Variants in ADAM9 observed in about 807,000 individuals in gnomAD.
ADAM9 encodes the protein disintegrin and metalloproteinase domain-containing protein 9.
ADAM9 carries 54 observed loss-of-function variants against 108.1 expected under a neutral mutation model. That is an observed-to-expected ratio of 0.50 (90% CI 0.40 to 0.63). The LOEUF (loss-of-function observed/expected upper bound fraction) is 0.63, where lower values mean the gene tolerates loss of function less well. Among genes scored for constraint, ADAM9 ranks in the 20% least tolerant of loss-of-function variants. The pLI is 0.00. For synonymous variants in ADAM9, 316 were observed against 336.0 expected (o/e 0.94, Z 0.65); for missense variants, 830 against 997.7 (o/e 0.83, Z 2.26).
chr8:39,061,268 A>G (rs1838289997), intron 14 of ADAM9, among the ~76,000 whole-genome samples: 1 of 152,192 alleles, frequency 6.6e-6, no homozygotes, highest in African/African-American at 2.4e-5. Flanking sequence ...CAGGTCAGGG[A>G]ACCAGTGTGG....
At chr8:39,018,443 T>G (rs935314887) in intron 6 of ADAM9, among the ~76,000 whole-genome samples, 2 of 152,194 alleles carry the variant, frequency 1.3e-5, no homozygotes. Flanking sequence ...TCTCTCAGCA[T>G]AGTAATGGGC....
intron 1 of ADAM9, among the ~76,000 whole-genome samples, chr8:38,997,783 T>C (rs1835868379): frequency 6.6e-6 from 1 of 152,246 alleles, no homozygotes; most frequent in South Asian, 2.1e-4. Context: ...TACCTTTCTA[T>C]AGCCAAACCA....
Position 39,055,614 on chromosome 8 carries a change from G to C in ADAM9, c.1433G>C (p.Ser478Thr), listed in dbSNP as rs201256112. 4 of 1,613,766 alleles carry C rather than the reference G, an allele frequency of 2.5e-6. No individual in the cohort carries two copies. In the East Asian group the frequency reaches 8.9e-5, roughly 36 times the overall value. The change falls in exon 14 of 22, where the codon AGT becomes ACT. Residue 478 changes from serine (S) to threonine (T), a missense_variant. Ser to Thr is a moderately conservative substitution (Grantham distance 58). This residue lies in a region of ADAM9 where 381 missense variants were observed against 539.8 expected (regional missense o/e 0.71). Transcript: ENST00000487273. The part of the protein sequence containing the change: ...PGGTLCRGKT[S>T]ECDVPEYCNG... ...GGTACTTTATGCCGAGGAAAAACCA[G>C]TGAGTGTGATGTTCCAGAGTACTGC...
chr8:39,067,689 AACAGGG>A lies in ADAM9; in HGVS notation c.1592-3605_1592-3600del, dbSNP rs777594339. Among the ~76,000 whole-genome samples, 357 of 152,322 alleles carry A rather than the reference AACAGGG, an allele frequency of 2.3e-3. 2 individuals are homozygous for A. The highest frequency in any genetic ancestry group is 4.2e-3 in the Non-Finnish European group (288 of 68,024). Reference sequence around the variant, plus strand: ...TAGATGTACAATCATGTCATCTGCAAACAGGGACAATTTGACTTCCTCTTTTCCTAA... The same window carrying A: ...TAGATGTACAATCATGTCATCTGCAAACAATTTGACTTCCTCTTTTCCTAA... On this transcript the variant is annotated intron_variant, in intron 14 of 21. Transcript: ENST00000487273.
At chr8:39,098,487 A>C (rs959473366) in intron 20 of ADAM9, among the ~76,000 whole-genome samples, 1 of 152,136 alleles carries the variant, frequency 6.6e-6, no homozygotes, top group African/African-American at 2.4e-5. Context: ...TATTGGATCT[A>C]CCTTCTATTC....
chr8:39,013,741 A>G (rs1481177891), intron 3 of ADAM9, among the ~76,000 whole-genome samples: 1 of 152,002 alleles, frequency 6.6e-6, no homozygotes, highest in Admixed American at 6.6e-5. Flanking sequence ...GCCTCAAGTG[A>G]TCCTCCTACC....
intron 11 of ADAM9, among the ~76,000 whole-genome samples, chr8:39,035,541 G>T (rs1011958935): frequency 2.0e-5 from 3 of 152,062 alleles, no homozygotes; most frequent in African/African-American, 7.2e-5. Context: ...TTTCTAGACC[G>T]GGTGCGGTGG....
chr8:39,090,774 C>T (rs140957785), intron 19 of ADAM9, among the ~76,000 whole-genome samples: 2 of 152,334 alleles, frequency 1.3e-5, no homozygotes, highest in Non-Finnish European at 2.9e-5. Context: ...CCCCCATCTG[C>T]ATTTTTGAAG....
intron 18 of ADAM9, chr8:39,089,786 G>A: frequency 4.5e-6 from 2 of 446,822 alleles, no homozygotes; most frequent in Admixed American, 3.4e-5. Context: ...AGTGTTGACA[G>A]TAGAAACGTA....
At chr8:39,089,901 C>G (rs1839294108) in intron 18 of ADAM9, 146 bp from the exon 19 acceptor site, 1 of 893,114 alleles carries the variant, frequency 1.1e-6, no homozygotes, top group African/African-American at 1.7e-5. Context: ...CAGGAATGAA[C>G]TTTGTGGAAG....
chr8:39,038,888 A>G (rs1315327601), intron 11 of ADAM9, among the ~76,000 whole-genome samples: 1 of 152,136 alleles, frequency 6.6e-6, no homozygotes, highest in Non-Finnish European at 1.5e-5. Context: ...TTGATAGTTT[A>G]TGTTCTTTCT....
At chr8:39,009,974 C>CCA (rs1296975559) in intron 2 of ADAM9, among the ~76,000 whole-genome samples, 10 of 150,072 alleles carry the variant, frequency 6.7e-5, no homozygotes, top group Admixed American at 6.0e-4. Flanking sequence ...ACCCCCCCCC[C>CCA]CAAACCAAAA....
chr8:39,019,454 C>T (rs1356925966), intron 7 of ADAM9, among the ~76,000 whole-genome samples: 2 of 152,168 alleles, frequency 1.3e-5, no homozygotes, highest in African/African-American at 4.8e-5. Flanking sequence ...TTTGCTTTAA[C>T]TAAGAGAAGT....
Position 38,996,974 on chromosome 8 carries a change from G to A in ADAM9, c.-90G>A, listed in dbSNP as rs755637586. 6.5e-7 allele frequency: 1 copy of A among 1,528,618 alleles called. No individual in the cohort carries two copies. Among genetic ancestry groups the A allele is most frequent in the Non-Finnish European group, 8.8e-7 (1 of 1,137,948 alleles). The allele number at this position is 1,528,618 out of a possible 1,614,324, so 94.7% of individuals were successfully genotyped here. On this transcript the variant is annotated 5_prime_UTR_variant, in exon 1 of 22. Coordinates refer to ENST00000487273, the MANE Select transcript of ADAM9 (RefSeq NM_003816.3). ...GTCGGGCGCGCGCGCTTCCCGGCCA[G>A]ACTTGGGGCCCCGGCAGGGTTGGAA...
At chr8:39,064,461 G>A (rs1281264693) in intron 14 of ADAM9, among the ~76,000 whole-genome samples, 2 of 152,104 alleles carry the variant, frequency 1.3e-5, no homozygotes, top group African/African-American at 2.4e-5. Flanking sequence ...ATTGGCTCAT[G>A]CGATTATGGT....
Position 39,103,675 on chromosome 8 carries a change from C to T in ADAM9, c.2435C>T (p.Pro812Leu), listed in dbSNP as rs755162126. 16 of 1,613,942 alleles carry T rather than the reference C, an allele frequency of 9.9e-6. No individual in the cohort carries two copies. In the East Asian group the frequency reaches 1.6e-4, roughly 16 times the overall value. ...ATTCCTGCCCGTCCTGCTCCTGCAC[C>T]TCCTTTATATAGTTCCCTCACTTGA... is the stretch of plus-strand genomic sequence containing the variant. ...NLIPARPAPA[P>L]PLYSSLT The change falls in exon 22 of 22, where the codon CCT becomes CTT. Residue 812 changes from proline (P) to leucine (L), a missense_variant. By Grantham distance (98) the Pro-to-Leu change is moderately conservative. Coordinates refer to ENST00000487273, the MANE Select transcript of ADAM9 (RefSeq NM_003816.3).
At chr8:39,016,814 G>C (rs1011602954) in intron 5 of ADAM9, among the ~76,000 whole-genome samples, 2 of 152,200 alleles carry the variant, frequency 1.3e-5, no homozygotes, top group South Asian at 2.1e-4. Flanking sequence ...TGCTTATTAA[G>C]TAATTTTGTT....
intron 16 of ADAM9, 133 bp from the exon 17 acceptor site, chr8:39,082,508 T>A: frequency 1.6e-6 from 1 of 642,866 alleles, no homozygotes; most frequent in Non-Finnish European, 2.7e-6. Flanking sequence ...AAATATAATA[T>A]GGGAATTAAT....
Position 39,063,902 on chromosome 8 carries a change from T to C in ADAM9, c.1592-7396T>C, listed in dbSNP as rs545383655. 9.5e-4 allele frequency among the ~76,000 whole-genome samples: 144 copies of C among 152,274 alleles called. 1 individual carries two copies. The highest frequency in any genetic ancestry group is 3.3e-3 in the African/African-American group (138 of 41,554). On this transcript the variant is annotated intron_variant, in intron 14 of 21. Coordinates refer to ENST00000487273, the MANE Select transcript of ADAM9 (RefSeq NM_003816.3). ...AATTTGCTTTCAGCCAGTCACAGGATAAGATTCTAGGTTTGATTTTCAACA... is the reference window on the plus strand; with the variant it reads ...AATTTGCTTTCAGCCAGTCACAGGACAAGATTCTAGGTTTGATTTTCAACA...
Sources: gnomAD v4.1 joint callset for allele counts (sites outside exome capture counted in the v4.1 genomes callset) on GRCh38, gnomAD v4.1.1 for gene constraint, gnomAD v4.1.1 regional missense constraint, MANE v1.5 for transcripts, NCBI Gene and HGNC (gene_info 2026-07-23, HGNC 2026-07-21) for gene names.